Variants in CADM2 observed in about 807,000 individuals in gnomAD.
The protein encoded by CADM2 is immunoglobulin superfamily member 4D.
CADM2 carries 12 observed loss-of-function variants against 49.8 expected under a neutral mutation model. The observed-to-expected ratio is 0.24, with a 90% CI of 0.15 to 0.39. The LOEUF (loss-of-function observed/expected upper bound fraction) is 0.39, where lower values mean the gene tolerates loss of function less well. Among genes scored for constraint, CADM2 ranks in the 10% least tolerant of loss-of-function variants. The pLI is 1.00. For synonymous variants in CADM2, 214 were observed against 175.4 expected (o/e 1.22, Z -1.74); for missense variants, 378 against 492.3 (o/e 0.77, Z 2.20).
intron 1 of CADM2, among the ~76,000 whole-genome samples, chr3:85,413,161 AAAT>A (rs1206383142): frequency 0.021 from 2,219 of 108,000 alleles, 90 homozygotes; most frequent in African/African-American, 0.031. Flanking sequence ...AAAAAAAAAA[AAAT>A]AATAATAATA....
At chr3:85,940,164 C>CAAAAAAAAAAA (rs10527231) in intron 7 of CADM2, among the ~76,000 whole-genome samples, 1 of 52,146 alleles carries the variant, frequency 1.9e-5, no homozygotes, top group Non-Finnish European at 3.9e-5. Context: ...ACTAAAAATA[C>CAAAAAAAAAAA]AAAAAAAAAA....
chr3:85,631,589 G>C (rs1255504725), intron 1 of CADM2, among the ~76,000 whole-genome samples: 1 of 152,000 alleles, frequency 6.6e-6, no homozygotes, highest in South Asian at 2.1e-4. Flanking sequence ...AAAGGAGAAA[G>C]TTAACAAGAC....
chr3:85,722,404 A>G (rs1464193968), intron 1 of CADM2, among the ~76,000 whole-genome samples: 1 of 152,210 alleles, frequency 6.6e-6, no homozygotes, highest in Non-Finnish European at 1.5e-5. Context: ...CTTTTAAGAA[A>G]GAATTGTCCC....
Position 85,292,814 on chromosome 3 carries a change from G to C in CADM2, c.61+333146G>C, listed in dbSNP as rs376361718. ...AGTGTGTAGAGGGAAATTTATAGCA[G>C]TAAATGCCCACAAGAGAAAGCAGGA... is the stretch of plus-strand genomic sequence containing the variant. On this transcript the variant is annotated intron_variant, in intron 1 of 9. Coordinates refer to ENST00000383699, the MANE Select transcript of CADM2 (RefSeq NM_001167675.2). Among the ~76,000 whole-genome samples, 23 of 152,166 alleles carry C rather than the reference G, an allele frequency of 1.5e-4. No individual in the cohort carries two copies. In the South Asian group the frequency reaches 2.5e-3, roughly 16 times the overall value.
intron 1 of CADM2, among the ~76,000 whole-genome samples, chr3:85,121,280 G>T (rs145386510): frequency 1.3e-5 from 2 of 152,216 alleles, no homozygotes; most frequent in African/African-American, 4.8e-5. Context: ...ATATGCTGCC[G>T]GTTTTTCATT....
At chr3:86,011,782 G>C (rs1179010785) in intron 8 of CADM2, among the ~76,000 whole-genome samples, 2 of 152,120 alleles carry the variant, frequency 1.3e-5, no homozygotes, top group Non-Finnish European at 2.9e-5. Flanking sequence ...GAAATAGGTA[G>C]AGATTCAGTA....
chr3:85,107,060 G>T (rs2038255035), intron 1 of CADM2, among the ~76,000 whole-genome samples: 1 of 152,090 alleles, frequency 6.6e-6, no homozygotes, highest in South Asian at 2.1e-4. Flanking sequence ...ACAACTGATT[G>T]TCACAAGGAA....
At chr3:85,801,987 TAG>T in intron 2 of CADM2, 58 bp from the exon 3 acceptor site, 1 of 1,229,378 alleles carries the variant, frequency 8.1e-7, no homozygotes, top group Non-Finnish European at 1.1e-6. Context: ...GTGTAGATCT[TAG>T]GCAGTTAATC....
At chr3:85,186,722 CAGAGGTTACCATGAG>C (rs984297861) in intron 1 of CADM2, among the ~76,000 whole-genome samples, 2 of 151,704 alleles carry the variant, frequency 1.3e-5, no homozygotes, top group Non-Finnish European at 2.9e-5. Context: ...GAAACGTCTC[CAGAGGTTACCATGAG>C]CCCAGAGGGA....
At chr3:85,548,770 A>T (rs777690450) in intron 1 of CADM2, among the ~76,000 whole-genome samples, 34 of 152,140 alleles carry the variant, frequency 2.2e-4, no homozygotes, top group Non-Finnish European at 3.8e-4. Context: ...CCTTGCTTCT[A>T]AATTGCCTTC....
chr3:85,013,144 A>T (rs1325415780), intron 1 of CADM2, among the ~76,000 whole-genome samples: 22 of 34,360 alleles, frequency 6.4e-4, no homozygotes, highest in African/African-American at 3.3e-3. Context: ...CTGGAAATTA[A>T]AAAAAAAAAA....
In CADM2 at chr3:85,119,014, G is replaced by T. The variant is rs148139807; in HGVS notation, c.61+159346G>T. ...TCCATCCATCTTGGCCTCCCAAAGT[G>T]CTGTGATTCCAAGCTTGAGCCACCA... On this transcript the variant is annotated intron_variant, in intron 1 of 9. Transcript: ENST00000383699. Among the ~76,000 whole-genome samples the T allele has an allele frequency of 3.1e-3, 471 of 152,266 alleles. 4 individuals carry two copies. Among genetic ancestry groups the T allele is most frequent in the Admixed American group, 5.8e-3 (89 of 15,290 alleles).
intron 8 of CADM2, chr3:86,012,519 G>T: frequency 7.6e-7 from 1 of 1,309,144 alleles, no homozygotes; most frequent in Non-Finnish European, 1.0e-6. Context: ...GCCCTGAGGA[G>T]GCCGGGAGCG....
chr3:85,383,503 CATATATATATATGTATATATAT>C (rs1433150750), intron 1 of CADM2, among the ~76,000 whole-genome samples: 1 of 109,248 alleles, frequency 9.2e-6, no homozygotes, highest in East Asian at 3.0e-4. Context: ...TACATAAAAC[CATATATATATATGTATATATAT>C]ATATATATAT....
chr3:85,986,763 G>A (rs1728161012), intron 8 of CADM2, among the ~76,000 whole-genome samples: 1 of 151,988 alleles, frequency 6.6e-6, no homozygotes, highest in African/African-American at 2.4e-5. Flanking sequence ...AATGCTTAAG[G>A]AACAAGCACC....
chr3:85,015,525 T>G (rs1256944699), intron 1 of CADM2, among the ~76,000 whole-genome samples: 2 of 152,186 alleles, frequency 1.3e-5, no homozygotes, highest in Admixed American at 1.3e-4. Flanking sequence ...TATAAAGAAC[T>G]CTTCTGTTGA....
At chr3:85,755,950 T>C (rs1286899108) in intron 2 of CADM2, among the ~76,000 whole-genome samples, 2 of 152,142 alleles carry the variant, frequency 1.3e-5, no homozygotes, top group Admixed American at 6.6e-5. Flanking sequence ...CTCCAGGAAG[T>C]TGGGAGATGG....
chr3:85,074,960 A>T (rs985968071), intron 1 of CADM2, among the ~76,000 whole-genome samples: 13 of 151,960 alleles, frequency 8.6e-5, no homozygotes, highest in African/African-American at 2.9e-4. Flanking sequence ...AAACCAATCC[A>T]CTAGGAGCAA....
chr3:85,657,729 G>GAT lies in CADM2; in HGVS notation c.62-68783_62-68782dup, dbSNP rs889894743. On this transcript the variant is annotated intron_variant, in intron 1 of 9. Transcript: ENST00000383699. Reference sequence around the variant, plus strand: ...ATATACACAGATATATATATATACAGATATATATATACAGATATATATATA... The same window carrying GAT: ...ATATACACAGATATATATATATACAGATATATATATATACAGATATATATATA... 1.4e-3 allele frequency among the ~76,000 whole-genome samples: 141 copies of GAT among 99,602 alleles called. 1 individual carries two copies. Among genetic ancestry groups the GAT allele is most frequent in the Admixed American group, 4.1e-3 (42 of 10,152 alleles). The allele number at this position is 99,602 out of a possible 152,430, so 65.3% of individuals were successfully genotyped here.
Sources: allele counts gnomAD v4.1 joint callset (sites outside exome capture counted in the v4.1 genomes callset), GRCh38; gene constraint gnomAD v4.1.1; transcripts MANE v1.5; gene names NCBI Gene and HGNC (gene_info 2026-07-23, HGNC 2026-07-21).